EXOC4: variants seen among roughly 807,000 people sequenced by gnomAD.
EXOC4 encodes SEC8-like 1.
A neutral mutation model predicts 107.2 loss-of-function variants in EXOC4; 71 were observed. That is an observed-to-expected ratio of 0.66 (90% CI 0.55 to 0.81). The LOEUF is 0.81. Ranked by LOEUF, EXOC4 falls within the 30% of genes least tolerant of loss-of-function variation. EXOC4 has a pLI of 0.00. For missense variants in EXOC4, 1,108 were observed against 1,189.6 expected, an observed-to-expected ratio of 0.93 and a Z score of 1.01; for synonymous variants, 456 against 441.2, an observed-to-expected ratio of 1.03 and a Z score of -0.42.
chr7:133,542,160 A>G (rs549598034), intron 9 of EXOC4, among the ~76,000 whole-genome samples: 3 of 128,096 alleles, frequency 2.3e-5, no homozygotes, highest in East Asian at 4.7e-4. Flanking sequence ...AAGGCAGACA[A>G]ATTTTATCTT....
At chr7:133,688,505 A>G (rs933737085) in intron 10 of EXOC4, among the ~76,000 whole-genome samples, 3 of 152,184 alleles carry the variant, frequency 2.0e-5, no homozygotes, top group African/African-American at 4.8e-5. Flanking sequence ...AAGAAAAGAA[A>G]TGGTGCCCAA....
chr7:133,418,088 A>G (rs1797519857), intron 7 of EXOC4, among the ~76,000 whole-genome samples: 1 of 152,204 alleles, frequency 6.6e-6, no homozygotes, highest in East Asian at 1.9e-4. Context: ...CATCTCATAA[A>G]GATAATGTCA....
intron 13 of EXOC4, among the ~76,000 whole-genome samples, chr7:133,933,091 A>G (rs1800218889): frequency 6.6e-6 from 1 of 151,850 alleles, no homozygotes; most frequent in South Asian, 2.1e-4. Context: ...AGCTAACAGA[A>G]TTCTTTAAAG....
chr7:133,983,041 G>C (rs1209864187), intron 14 of EXOC4, among the ~76,000 whole-genome samples: 1 of 151,778 alleles, frequency 6.6e-6, no homozygotes, highest in Non-Finnish European at 1.5e-5. Context: ...ATACAGAAAG[G>C]ACAGTGCTAG....
intron 11 of EXOC4, among the ~76,000 whole-genome samples, chr7:133,851,599 C>T (rs2116259583): frequency 6.6e-6 from 1 of 152,308 alleles, no homozygotes; most frequent in East Asian, 1.9e-4. Flanking sequence ...CAGCACATTA[C>T]AGCCAGAGGG....
intron 10 of EXOC4, among the ~76,000 whole-genome samples, chr7:133,636,854 C>T (rs1187229653): frequency 6.6e-6 from 1 of 152,172 alleles, no homozygotes; most frequent in Non-Finnish European, 1.5e-5. Context: ...CTCTTGGCAA[C>T]TTGGGCTTTT....
intron 9 of EXOC4, among the ~76,000 whole-genome samples, chr7:133,579,686 C>CTTTT (rs11368284): frequency 9.3e-5 from 13 of 139,796 alleles, no homozygotes; most frequent in Non-Finnish European, 1.1e-4. Flanking sequence ...CACAACTTTA[C>CTTTT]TTTTTTTTTT....
chr7:133,991,039 A>G (rs1794243919), intron 14 of EXOC4, among the ~76,000 whole-genome samples: 1 of 152,130 alleles, frequency 6.6e-6, no homozygotes, highest in African/African-American at 2.4e-5. Flanking sequence ...TTACATTCCC[A>G]CCAACAATGT....
At chr7:134,005,709 C>T (rs1794629140) in intron 16 of EXOC4, among the ~76,000 whole-genome samples, 1 of 152,168 alleles carries the variant, frequency 6.6e-6, no homozygotes. Flanking sequence ...CCTGTTAGGA[C>T]TCCACATTAT....
At chr7:133,530,762 A>G (rs2150921403) in intron 9 of EXOC4, among the ~76,000 whole-genome samples, 2 of 152,298 alleles carry the variant, frequency 1.3e-5, no homozygotes, top group Admixed American at 1.3e-4. Context: ...TTGAGAGTAA[A>G]AAAAGGAAAG....
chr7:133,399,846 GCATATGA>G (rs1220665153), intron 7 of EXOC4, among the ~76,000 whole-genome samples: 3 of 152,204 alleles, frequency 2.0e-5, no homozygotes, highest in African/African-American at 7.2e-5. Context: ...GCTATGTCTT[GCATATGA>G]CATGTTTTGA....
intron 12 of EXOC4, among the ~76,000 whole-genome samples, chr7:133,899,915 A>G (rs949830621): frequency 3.3e-5 from 5 of 151,732 alleles, no homozygotes; most frequent in Admixed American, 6.6e-5. Context: ...CCAACTGTCT[A>G]TTTATTTATT....
At chr7:133,677,154 T>C (rs1794081354) in intron 10 of EXOC4, among the ~76,000 whole-genome samples, 1 of 152,162 alleles carries the variant, frequency 6.6e-6, no homozygotes. Context: ...TAATTCTTAG[T>C]GTCTCCCTTG....
chr7:133,744,138 A>G (rs546224913), intron 10 of EXOC4, among the ~76,000 whole-genome samples: 1 of 151,748 alleles, frequency 6.6e-6, no homozygotes, highest in African/African-American at 2.4e-5. Flanking sequence ...CTGGAGGCAA[A>G]AAAAAAAAAT....
chr7:133,699,867 A>G (rs1358957199), intron 10 of EXOC4, among the ~76,000 whole-genome samples: 1 of 152,224 alleles, frequency 6.6e-6, no homozygotes, highest in Non-Finnish European at 1.5e-5. Context: ...TTTGCAATAG[A>G]AAATGTAACA....
intron 10 of EXOC4, among the ~76,000 whole-genome samples, chr7:133,787,335 TTGTGTG>T (rs757017206): frequency 8.3e-4 from 95 of 113,906 alleles, no homozygotes; most frequent in African/African-American, 2.7e-3. Context: ...ATAGGCTAAT[TTGTGTG>T]TGTGTGTGTG....
intron 10 of EXOC4, among the ~76,000 whole-genome samples, chr7:133,708,597 G>A (rs187574417): frequency 1.4e-4 from 21 of 152,318 alleles, no homozygotes; most frequent in Admixed American, 9.8e-4. Context: ...TGAGCACTGT[G>A]ATGGGTTCTT....
chr7:133,332,485 C>T (rs1218371141), intron 5 of EXOC4, among the ~76,000 whole-genome samples: 3 of 151,988 alleles, frequency 2.0e-5, no homozygotes, highest in African/African-American at 4.8e-5. Context: ...CATGGTGGTG[C>T]GTGCCTGTAA....
At chr7:133,401,451 A>C (rs1410668156) in intron 7 of EXOC4, among the ~76,000 whole-genome samples, 1 of 152,034 alleles carries the variant, frequency 6.6e-6, no homozygotes, top group Non-Finnish European at 1.5e-5. Flanking sequence ...TCATGAGCTC[A>C]GGAATTCAAG....
Sources: allele counts gnomAD v4.1 joint callset (sites outside exome capture counted in the v4.1 genomes callset), GRCh38; gene constraint gnomAD v4.1.1; transcripts MANE v1.5; gene names NCBI Gene and HGNC (gene_info 2026-07-23, HGNC 2026-07-21).